The following HYDIN variants were observed in gnomAD, a reference collection of about 807,000 sequenced individuals.
HYDIN encodes the protein axonemal central pair apparatus protein HYDIN.
A neutral mutation model predicts 403.9 loss-of-function variants in HYDIN; 132 were observed. The observed-to-expected ratio is 0.33, with a 90% CI of 0.28 to 0.38. The LOEUF is 0.38. HYDIN is among the 10% of genes least tolerant of loss of function. The pLI is 1.00. For synonymous variants in HYDIN, 1,202 were observed against 1,891.7 expected (o/e 0.64, Z 9.46); for missense variants, 2,827 against 5,009.5 (o/e 0.56, Z 13.15).
intron 47 of HYDIN, among the ~76,000 whole-genome samples, chr16:70,910,613 GATCTGCTGGATCAA>G (rs1415996019): frequency 1.3e-4 from 18 of 143,346 alleles, no homozygotes; most frequent in African/African-American, 4.6e-4. Flanking sequence ...TCTAGATCCA[GATCTGCTGGATCAA>G]ATTGCAGTTC....
At chr16:70,959,081 C>G (rs909833245) in intron 39 of HYDIN, among the ~76,000 whole-genome samples, 1 of 151,806 alleles carries the variant, frequency 6.6e-6, no homozygotes, top group Admixed American at 6.6e-5. Flanking sequence ...GGTGATTCTG[C>G]TCCTTTGGGT....
chr16:71,207,723 G>C (rs1003317670), intron 1 of HYDIN, among the ~76,000 whole-genome samples: 5 of 151,802 alleles, frequency 3.3e-5, no homozygotes, highest in African/African-American at 4.8e-5. Context: ...AAGGGATGGA[G>C]AAAAATCTAC....
chr16:70,890,972 G>A (rs1300609173), intron 57 of HYDIN, among the ~76,000 whole-genome samples: 5 of 149,718 alleles, frequency 3.3e-5, no homozygotes, highest in South Asian at 2.2e-4. Flanking sequence ...ATTTCTTGGC[G>A]TTGTACAGAA....
At chr16:70,924,910 T>A (rs1486719142) in intron 45 of HYDIN, among the ~76,000 whole-genome samples, 1 of 139,112 alleles carries the variant, frequency 7.2e-6, no homozygotes, top group African/African-American at 2.7e-5. Context: ...GCGGCACACG[T>A]TTACCTATGT....
intron 77 of HYDIN, among the ~76,000 whole-genome samples, chr16:70,836,857 A>C (rs1293961029): frequency 1.3e-5 from 2 of 152,236 alleles, no homozygotes; most frequent in East Asian, 1.9e-4. Context: ...TAAATGAACA[A>C]GTGAAAGACC....
At chr16:70,871,288 C>T (rs1436853276) in intron 65 of HYDIN, among the ~76,000 whole-genome samples, 4 of 152,112 alleles carry the variant, frequency 2.6e-5, no homozygotes, top group African/African-American at 7.2e-5. Flanking sequence ...GTCCCCAACG[C>T]CTTTGCTCCA....
intron 23 of HYDIN, among the ~76,000 whole-genome samples, chr16:71,005,015 G>A (rs899567806): frequency 2.0e-5 from 3 of 152,158 alleles, no homozygotes; most frequent in Middle Eastern, 3.2e-3. Context: ...GTCTAAGCCT[G>A]TGTTTTTGTT....
At chr16:71,100,666 G>C (rs1248443167) in intron 10 of HYDIN, among the ~76,000 whole-genome samples, 1 of 152,158 alleles carries the variant, frequency 6.6e-6, no homozygotes, top group African/African-American at 2.4e-5. Context: ...AGTGTAGGGA[G>C]CTAAATCAGC....
chr16:70,826,738 TC>T (rs2036620073), intron 83 of HYDIN, among the ~76,000 whole-genome samples: 2 of 146,302 alleles, frequency 1.4e-5, no homozygotes, highest in East Asian at 1.9e-4. Flanking sequence ...TCTCTCTCTC[TC>T]TCTCTCTGTG....
chr16:70,834,888 G>GTGTA (rs2037272960), intron 78 of HYDIN, among the ~76,000 whole-genome samples: 35 of 147,804 alleles, frequency 2.4e-4, no homozygotes, highest in Admixed American at 2.0e-3. Context: ...GTGTGTGTGT[G>GTGTA]TGTATATATA....
chr16:71,026,620 A>T (rs1043627602), intron 20 of HYDIN, among the ~76,000 whole-genome samples: 1 of 152,224 alleles, frequency 6.6e-6, no homozygotes, highest in African/African-American at 2.4e-5. Context: ...ACACAATAAA[A>T]GTTGGCTGAT....
chr16:70,817,775 T>G (rs1188612375), intron 84 of HYDIN, among the ~76,000 whole-genome samples: 1 of 152,032 alleles, frequency 6.6e-6, no homozygotes, highest in South Asian at 2.1e-4. Flanking sequence ...AGAGTCTTAC[T>G]CTGTTGCCCA....
chr16:71,050,042 G>A (rs1387983316), intron 18 of HYDIN, among the ~76,000 whole-genome samples: 2 of 149,048 alleles, frequency 1.3e-5, no homozygotes, highest in Non-Finnish European at 3.0e-5. Context: ...GTGTGTGTGT[G>A]TGGGTGTGTG....
At position 70,868,624 on chromosome 16, in the gene HYDIN, G is replaced by C. The variant is rs140444258; in HGVS notation, c.11256C>G (p.Val3752=). 8.9e-4 allele frequency: 1,441 copies of C among 1,613,900 alleles called. 8 individuals are homozygous for C. The African/African-American group carries it at 0.017, about 19-fold the overall frequency. Residue 3752 remains valine (V), a synonymous_variant, in exon 66 of 86, where the codon GTC becomes GTG. Transcript: ENST00000393567. ...TGTTTCTGGGTACGTCCACCCACTTGACTGTGTGCATGCGGTCATCCCAGT... is the reference window on the plus strand; with the variant it reads ...TGTTTCTGGGTACGTCCACCCACTTCACTGTGTGCATGCGGTCATCCCAGT... ...VPDWDDRMHT[V]KWVDVPRNMP... is the part of the protein sequence containing the mutation.
intron 7 of HYDIN, among the ~76,000 whole-genome samples, chr16:71,150,964 T>C (rs2085514784): frequency 6.6e-6 from 1 of 152,186 alleles, no homozygotes; most frequent in Non-Finnish European, 1.5e-5. Context: ...CATTAATCAT[T>C]AGGGACATGA....
chr16:71,055,935 G>C, intron 18 of HYDIN, among the ~76,000 whole-genome samples: 1 of 152,090 alleles, frequency 6.6e-6, no homozygotes, highest in Non-Finnish European at 1.5e-5. Flanking sequence ...CCATTAAAAG[G>C]AGGCATCTGT....
intron 17 of HYDIN, 108 bp downstream of exon 17, chr16:71,062,061 A>G: frequency 1.1e-6 from 1 of 926,412 alleles, no homozygotes; most frequent in Non-Finnish European, 1.6e-6. Flanking sequence ...TACAACTCCA[A>G]GCAACTGGGG....
At chr16:71,132,455 TTC>T (rs1427658295) in intron 8 of HYDIN, 1 of 31,558 alleles carries the variant, frequency 3.2e-5, no homozygotes, top group Non-Finnish European at 6.3e-5. Flanking sequence ...AAAATATGAC[TTC>T]TCTCTGTCTC....
At position 70,809,988 on chromosome 16, in the gene HYDIN, A is replaced by G. The variant is rs775528606; in HGVS notation, c.14678T>C (p.Phe4893Ser). 3 of 1,614,178 alleles carry G rather than the reference A, an allele frequency of 1.9e-6. No individual in the cohort carries two copies. Among genetic ancestry groups the G allele is most frequent in the Non-Finnish European group, 1.7e-6 (2 of 1,180,024 alleles). ...GGTTTCTCCAGCTTTCAGGGGCTGA[A>G]ATTCAAATGAGAACGTGCCCTGGAA... is the stretch of plus-strand genomic sequence containing the variant. ...ANSEGTFSFE[F>S]QPLKAGETFG... The change falls in exon 85 of 86, where the codon TTT (phenylalanine) becomes TCT (serine). Residue 4893 changes from phenylalanine to serine, a missense_variant. Phe to Ser is a radical substitution (Grantham distance 155). Transcript: ENST00000393567.
Sources: gnomAD v4.1 joint callset for allele counts (sites outside exome capture counted in the v4.1 genomes callset) on GRCh38, gnomAD v4.1.1 for gene constraint, MANE v1.5 for transcripts, NCBI Gene and HGNC (gene_info 2026-07-23, HGNC 2026-07-21) for gene names.